Variants in ZC3H14 observed in about 807,000 individuals in gnomAD.
The protein encoded by ZC3H14 is zinc finger CCCH-type containing 14, also known as zinc finger CCCH domain-containing protein 14.
In ZC3H14, 31 loss-of-function variants were observed where a neutral mutation model predicts 92.4. That is an observed-to-expected ratio of 0.34 (90% CI 0.25 to 0.45). The LOEUF (loss-of-function observed/expected upper bound fraction) is 0.45. ZC3H14 is among the 20% of genes least tolerant of loss of function. The probability of loss-of-function intolerance (pLI) is 1.00; values close to 1 mark genes in which losing one functional copy is unlikely to be tolerated. For synonymous variants in ZC3H14, 321 were observed against 300.9 expected (o/e 1.07, Z -0.69); for missense variants, 781 against 897.3 (o/e 0.87, Z 1.66).
intron 10 of ZC3H14, among the ~76,000 whole-genome samples, chr14:88,600,687 T>C (rs2084504799): frequency 6.6e-6 from 1 of 152,178 alleles, no homozygotes; most frequent in South Asian, 2.1e-4. Flanking sequence ...CCTGGGCTTA[T>C]GGAATCCTTG....
chr14:88,574,904 TC>T (rs1419176096), intron 7 of ZC3H14, 51 bp downstream of exon 7: 2 of 1,612,144 alleles, frequency 1.2e-6, no homozygotes, highest in East Asian at 2.2e-5. Flanking sequence ...GGTGGAGTCT[TC>T]CTGATTTATT....
In ZC3H14 at chr14:88,620,711, A is replaced by C. The variant is rs770275455; in HGVS notation, c.*8960A>C. On this transcript the variant is annotated 3_prime_UTR_variant, in exon 17 of 17. Coordinates refer to ENST00000251038, the MANE Select transcript of ZC3H14 (RefSeq NM_024824.5). The surrounding 1 kb of genome is among the most constrained non-coding windows in gnomAD (Gnocchi z 4.3). ...TGGAAAATTTTACAAATGGAAGTTA[A>C]ATCAAGTATATACTAGAAACTCTAT... 1.4e-6 allele frequency: 2 copies of C among 1,408,952 alleles called. No homozygotes were observed. The highest frequency in any genetic ancestry group is 2.8e-5 in the Admixed American group (1 of 35,754). The allele number at this position is 1,408,952 out of a possible 1,614,324, so 87.3% of individuals were successfully genotyped here. A position where few individuals can be genotyped will look rare whatever the true frequency, so the allele number is the denominator to read the frequency against.
intron 8 of ZC3H14, among the ~76,000 whole-genome samples, chr14:88,576,441 A>G (rs1349372943): frequency 1.3e-5 from 2 of 152,246 alleles, no homozygotes; most frequent in African/African-American, 4.8e-5. Context: ...TCCTGCTCCA[A>G]TTCTAGTGGA....
At chr14:88,590,700 T>A (rs900254960) in intron 9 of ZC3H14, 18 of 152,236 alleles carry the variant, frequency 1.2e-4, no homozygotes, top group Non-Finnish European at 1.0e-4. Context: ...TTAGCATGTA[T>A]TTTTTTGGGG....
At position 88,618,346 on chromosome 14, in the gene ZC3H14, T is replaced by C. The variant is rs1441789459; in HGVS notation, c.*6595T>C. On this transcript the variant is annotated 3_prime_UTR_variant, in exon 17 of 17. Coordinates refer to ENST00000251038, the MANE Select transcript of ZC3H14 (RefSeq NM_024824.5). The stretch of plus-strand genomic sequence containing the variant: ...CCACTAGAGACCTTTTTCATCAGAT[T>C]AAAATGGGACAAGAATTCCATTAGG... 6.2e-7 allele frequency: 1 copy of C among 1,608,410 alleles called. No individual in the cohort carries two copies. Among genetic ancestry groups the C allele is most frequent in the Non-Finnish European group, 8.5e-7 (1 of 1,175,810 alleles).
intron 10 of ZC3H14, among the ~76,000 whole-genome samples, chr14:88,599,513 C>T (rs2084303819): frequency 6.6e-6 from 1 of 152,202 alleles, no homozygotes; most frequent in African/African-American, 2.4e-5. Context: ...GGGCTGCTAA[C>T]GTTCCGCTTG....
chr14:88,602,312 TAAC>T (rs2084765319), intron 11 of ZC3H14, among the ~76,000 whole-genome samples: 1 of 152,250 alleles, frequency 6.6e-6, no homozygotes, highest in Non-Finnish European at 1.5e-5. Flanking sequence ...GTGTATGATT[TAAC>T]TCTATTAAAG....
In ZC3H14 at chr14:88,618,514, G is replaced by T; in HGVS notation, c.*6763G>T. On this transcript the variant is annotated 3_prime_UTR_variant, in exon 17 of 17. Coordinates refer to ENST00000251038, the MANE Select transcript of ZC3H14 (RefSeq NM_024824.5). ...CTGATAAGTGGGGGAGGAAAGGGGA[G>T]CTGTAGGTCAGAAGGTACAAAGGGA... 8.6e-7 allele frequency: 1 copy of T among 1,156,576 alleles called. No individual in the cohort carries two copies. The highest frequency in any genetic ancestry group is 1.6e-5 in the African/African-American group (1 of 64,326). The allele number at this position is 1,156,576 out of a possible 1,614,324, so 71.6% of individuals were successfully genotyped here. A position where few individuals can be genotyped will look rare whatever the true frequency, so the allele number is the denominator to read the frequency against.
chr14:88,592,973 T>TC (rs888205703), intron 9 of ZC3H14, among the ~76,000 whole-genome samples: 16 of 147,494 alleles, frequency 1.1e-4, no homozygotes, highest in Non-Finnish European at 2.4e-4. Flanking sequence ...TTACTATTCT[T>TC]TTTTTTTTTT....
intron 8 of ZC3H14, among the ~76,000 whole-genome samples, chr14:88,577,632 C>G (rs889183722): frequency 6.6e-6 from 1 of 151,932 alleles, no homozygotes; most frequent in African/African-American, 2.4e-5. Flanking sequence ...CACAGTGGTG[C>G]AATCTCGGCT....
At chr14:88,598,064 C>T (rs2084088897) in intron 10 of ZC3H14, among the ~76,000 whole-genome samples, 1 of 151,854 alleles carries the variant, frequency 6.6e-6, no homozygotes, top group South Asian at 2.1e-4. Context: ...ACATTTTTCC[C>T]CTCCCTGCTT....
intron 14 of ZC3H14, 113 bp from the exon 15 acceptor site, chr14:88,609,599 T>G: frequency 7.2e-7 from 1 of 1,391,254 alleles, no homozygotes; most frequent in Non-Finnish European, 1.0e-6. Flanking sequence ...TATATAAACC[T>G]TACCATTCTA....
At chr14:88,604,650 A>G (rs1319089456) in intron 12 of ZC3H14, among the ~76,000 whole-genome samples, 10 of 151,234 alleles carry the variant, frequency 6.6e-5, no homozygotes, top group Middle Eastern at 3.4e-3. Flanking sequence ...CTGGAGTGCA[A>G]TGGAGCCATC....
Position 88,571,057 on chromosome 14 carries a change from ATTTTTGT to A in ZC3H14, c.195-14_195-8del. The A allele has an allele frequency of 1.3e-6, 2 of 1,526,312 alleles. No individual in the cohort carries two copies. The highest frequency in any genetic ancestry group is 8.8e-7 in the Non-Finnish European group (1 of 1,133,256). The allele number at this position is 1,526,312 out of a possible 1,614,324, so 94.5% of individuals were successfully genotyped here. ...TGAAATCTTTCTTAACAGAAGGTTT[ATTTTTGT>A]TTTTTGTTTTTTTCCTCAGGCTTCA... On this transcript the variant is annotated intron_variant, in intron 3 of 16. Coordinates refer to ENST00000251038, the MANE Select transcript of ZC3H14 (RefSeq NM_024824.5).
chr14:88,618,600 T>C lies in ZC3H14; in HGVS notation c.*6849T>C, dbSNP rs777179526. 1.7e-5 allele frequency: 27 copies of C among 1,563,194 alleles called. No homozygotes were observed. The highest frequency in any genetic ancestry group is 1.3e-5 in the Non-Finnish European group (15 of 1,155,644). ...TTTAAATGCATTCACTAACACGAAATGTAAAAGCAGAAGAACTTGCCACCT... is the reference window on the plus strand; with the variant it reads ...TTTAAATGCATTCACTAACACGAAACGTAAAAGCAGAAGAACTTGCCACCT... On this transcript the variant is annotated 3_prime_UTR_variant, in exon 17 of 17. Coordinates refer to ENST00000251038, the MANE Select transcript of ZC3H14 (RefSeq NM_024824.5).
rs2087585956 is a variant in ZC3H14 at position 88,616,209 on chromosome 14, G to A, written c.*4458G>A. ...CTGGTAAATCGAATATTTGTCACAT[G>A]GGGCGAATGACCCAAGAACCTTTTG... On this transcript the variant is annotated 3_prime_UTR_variant, in exon 17 of 17. Coordinates refer to ENST00000251038, the MANE Select transcript of ZC3H14 (RefSeq NM_024824.5). 1 of 1,613,740 alleles carries A rather than the reference G, an allele frequency of 6.2e-7. No homozygotes were observed.
chr14:88,610,722 C>T, intron 15 of ZC3H14, 112 bp from the exon 16 acceptor site: 1 of 1,032,898 alleles, frequency 9.7e-7, no homozygotes, highest in South Asian at 1.3e-5. Context: ...GAGGTCATGC[C>T]ACTTCACTCC....
chr14:88,601,869 G>C, intron 10 of ZC3H14, 55 bp from the exon 11 acceptor site: 1 of 1,580,832 alleles, frequency 6.3e-7, no homozygotes, highest in Non-Finnish European at 8.7e-7. Flanking sequence ...ATATAATGTT[G>C]GGAATGTAAG....
intron 16 of ZC3H14, 86 bp downstream of exon 16, chr14:88,611,026 G>A (rs1443583868): frequency 2.3e-6 from 3 of 1,314,358 alleles, no homozygotes; most frequent in African/African-American, 2.9e-5. Flanking sequence ...ACACAAAATT[G>A]GAAACTAGAC....
Sources: gnomAD v4.1 joint callset for allele counts (sites outside exome capture counted in the v4.1 genomes callset) on GRCh38, gnomAD v4.1.1 for gene constraint, Gnocchi (gnomAD v3.1) non-coding constraint, MANE v1.5 for transcripts, NCBI Gene and HGNC (gene_info 2026-07-23, HGNC 2026-07-21) for gene names.